Variants in SUCLA2 observed in about 807,000 individuals in gnomAD.
SUCLA2 encodes succinate-CoA ligase ADP-forming subunit beta, also known as succinate--CoA ligase [ADP-forming] subunit beta, mitochondrial.
A neutral mutation model predicts 54.8 loss-of-function variants in SUCLA2; 30 were observed. That is an observed-to-expected ratio of 0.55 (90% confidence interval 0.41 to 0.74). The LOEUF is 0.74. Among genes scored for constraint, SUCLA2 ranks in the 30% least tolerant of loss-of-function variants. SUCLA2 has a pLI of 0.00. For synonymous variants in SUCLA2, 172 were observed against 188.9 expected, an observed-to-expected ratio of 0.91 and a Z score of 0.74; for missense variants, 476 against 562.9, an observed-to-expected ratio of 0.85 and a Z score of 1.56.
chr13:47,977,983 G>T (rs1250679814), intron 4 of SUCLA2, among the ~76,000 whole-genome samples: 1 of 152,034 alleles, frequency 6.6e-6, no homozygotes, highest in Non-Finnish European at 1.5e-5. Context: ...TCTTCAAAGA[G>T]AACTATAAAC....
chr13:47,983,939 G>T (rs1950079095), intron 4 of SUCLA2, among the ~76,000 whole-genome samples: 1 of 151,798 alleles, frequency 6.6e-6, no homozygotes, highest in Non-Finnish European at 1.5e-5. Context: ...GAAAAAAAAG[G>T]AAACAATAAT....
chr13:47,955,438 G>A (rs1029883372), intron 6 of SUCLA2, among the ~76,000 whole-genome samples: 3 of 152,108 alleles, frequency 2.0e-5, no homozygotes, highest in African/African-American at 7.2e-5. Flanking sequence ...CTGACCTCAA[G>A]TAATCCACCC....
intron 6 of SUCLA2, among the ~76,000 whole-genome samples, chr13:47,961,964 G>A (rs576337498): frequency 6.6e-6 from 1 of 152,250 alleles, no homozygotes; most frequent in African/African-American, 2.4e-5. Context: ...TGCAGTTTGT[G>A]CCCCTGGATT....
intron 8 of SUCLA2, among the ~76,000 whole-genome samples, chr13:47,953,460 A>T (rs1245977085): frequency 6.6e-6 from 1 of 152,202 alleles, no homozygotes; most frequent in Non-Finnish European, 1.5e-5. Context: ...CACATTTTAC[A>T]TCTCATTTAG....
intron 1 of SUCLA2, among the ~76,000 whole-genome samples, chr13:47,999,957 A>C (rs748884189): frequency 2.6e-5 from 4 of 152,132 alleles, no homozygotes; most frequent in Non-Finnish European, 4.4e-5. Context: ...AAAAAGATAA[A>C]GATTTTGACT....
At chr13:47,997,736 G>A (rs1018316579) in intron 1 of SUCLA2, among the ~76,000 whole-genome samples, 3 of 152,168 alleles carry the variant, frequency 2.0e-5, no homozygotes, top group African/African-American at 7.2e-5. Context: ...AATACAGAAT[G>A]CAGTATACTG....
intron 10 of SUCLA2, among the ~76,000 whole-genome samples, chr13:47,948,696 G>A (rs1357060397): frequency 6.6e-6 from 1 of 151,984 alleles, no homozygotes; most frequent in Non-Finnish European, 1.5e-5. Flanking sequence ...TTTGGAGTTG[G>A]GCCCAATCTT....
At chr13:47,999,921 A>C (rs1950217127) in intron 1 of SUCLA2, among the ~76,000 whole-genome samples, 3 of 152,126 alleles carry the variant, frequency 2.0e-5, no homozygotes, top group African/African-American at 7.2e-5. Context: ...CCATAAGGAG[A>C]AATGAAGGCT....
intron 6 of SUCLA2, among the ~76,000 whole-genome samples, chr13:47,962,024 T>C (rs1320125815): frequency 1.3e-5 from 2 of 152,200 alleles, no homozygotes; most frequent in Non-Finnish European, 2.9e-5. Flanking sequence ...TTTATAAAGA[T>C]TGCTAACCCA....
intron 4 of SUCLA2, among the ~76,000 whole-genome samples, chr13:47,975,696 G>C (rs1950006620): frequency 6.6e-6 from 1 of 152,116 alleles, no homozygotes; most frequent in South Asian, 2.1e-4. Context: ...TTGTAACAAG[G>C]AATTCGGATG....
intron 4 of SUCLA2, among the ~76,000 whole-genome samples, chr13:47,977,769 T>C (rs983901683): frequency 6.6e-6 from 1 of 152,094 alleles, no homozygotes; most frequent in African/African-American, 2.4e-5. Flanking sequence ...ACAACCTCAA[T>C]ATAATAAAGG....
Position 47,996,822 on chromosome 13 carries a change from A to C in SUCLA2, c.271+21T>G, listed in dbSNP as rs9316342. 2.9e-3 allele frequency: 4,711 copies of C among 1,611,818 alleles called. 125 individuals carry two copies. The African/African-American group carries it at 0.053, about 18-fold the overall frequency. On this transcript the variant is annotated intron_variant, in intron 2 of 10. Coordinates refer to ENST00000646932, the MANE Select transcript of SUCLA2 (RefSeq NM_003850.3). ...CAGAGCTCTCATGTCAAGGTGGCAA[A>C]AGCTTTTCTTAATTTAGTACCTAAT...
chr13:47,987,508 A>C (rs905352258), intron 4 of SUCLA2: 1 of 152,106 alleles, frequency 6.6e-6, no homozygotes, highest in Admixed American at 6.5e-5. Context: ...AAATTCTATC[A>C]CATAGAATAT....
chr13:47,978,908 G>A (rs906293726), intron 4 of SUCLA2, among the ~76,000 whole-genome samples: 4 of 152,140 alleles, frequency 2.6e-5, no homozygotes, highest in South Asian at 2.1e-4. Context: ...AAAAACATAC[G>A]AAAAAAAGCT....
intron 6 of SUCLA2, among the ~76,000 whole-genome samples, chr13:47,965,941 G>A (rs894589784): frequency 9.9e-5 from 15 of 152,090 alleles, no homozygotes; most frequent in African/African-American, 3.1e-4. Context: ...CCAGCTACTC[G>A]GCAAGCTGAG....
At chr13:47,960,954 C>G (rs1420434362) in intron 6 of SUCLA2, among the ~76,000 whole-genome samples, 3 of 152,142 alleles carry the variant, frequency 2.0e-5, no homozygotes, top group Non-Finnish European at 2.9e-5. Context: ...GGGATAAGAT[C>G]AGAGTTTTTC....
chr13:47,972,037 T>A (rs1263949534), intron 5 of SUCLA2: 1 of 387,844 alleles, frequency 2.6e-6, no homozygotes. Flanking sequence ...GATCACCTGA[T>A]GTCAGGAGTT....
chr13:47,962,630 A>G (rs1949879899), intron 6 of SUCLA2, among the ~76,000 whole-genome samples: 1 of 152,182 alleles, frequency 6.6e-6, no homozygotes, highest in African/African-American at 2.4e-5. Flanking sequence ...GAAACTCTCT[A>G]TTAGATGAAA....
chr13:47,978,747 G>A (rs1950037461), intron 4 of SUCLA2, among the ~76,000 whole-genome samples: 1 of 151,992 alleles, frequency 6.6e-6, no homozygotes, highest in Non-Finnish European at 1.5e-5. Flanking sequence ...CAGAATGGGA[G>A]AAAATTTTTG....
Sources: gnomAD v4.1 joint callset for allele counts (sites outside exome capture counted in the v4.1 genomes callset) on GRCh38, gnomAD v4.1.1 for gene constraint, MANE v1.5 for transcripts, NCBI Gene and HGNC (gene_info 2026-07-23, HGNC 2026-07-21) for gene names.